ZNF248: variants seen among roughly 807,000 people sequenced by gnomAD.
ZNF248 encodes KRAB protein domain.
ZNF248 carries 20 observed loss-of-function variants against 44.3 expected under a neutral mutation model. That is an observed-to-expected ratio of 0.45 (90% confidence interval 0.32 to 0.66). ZNF248 has a LOEUF of 0.66. Ranked by LOEUF, ZNF248 falls within the 30% of genes least tolerant of loss-of-function variation. The probability of loss-of-function intolerance (pLI) is 0.04; values close to 1 mark genes in which losing one functional copy is unlikely to be tolerated. For synonymous variants in ZNF248, 224 were observed against 229.0 expected, an observed-to-expected ratio of 0.98 and a Z score of 0.20; for missense variants, 654 against 677.0, an observed-to-expected ratio of 0.97 and a Z score of 0.38.
At chr10:37,771,539 C>T (rs2046225099), downstream of ZNF248, among the ~76,000 whole-genome samples, 1 of 150,140 alleles carries the variant, frequency 6.7e-6, no homozygotes, top group Admixed American at 6.7e-5. Context: ...AATCAAAACA[C>T]CGCATGTTCT....
intron 6 of ZNF248, among the ~76,000 whole-genome samples, chr10:37,821,288 CCA>C (rs1430143441): frequency 6.6e-6 from 1 of 150,984 alleles, no homozygotes; most frequent in Non-Finnish European, 1.5e-5. Flanking sequence ...CAGAATAACC[CCA>C]CAAAGTAGGT....
the ZNF248 span, among the ~76,000 whole-genome samples, chr10:37,760,687 A>T: frequency 6.6e-6 from 1 of 152,098 alleles, no homozygotes; most frequent in Non-Finnish European, 1.5e-5. Flanking sequence ...TACAAAAATT[A>T]GCCTGGCATG....
intron 3 of ZNF248, among the ~76,000 whole-genome samples, chr10:37,841,424 T>C (rs1018373629): frequency 6.7e-6 from 1 of 149,600 alleles, no homozygotes; most frequent in African/African-American, 2.5e-5. Context: ...CCTTCTTTCA[T>C]GCATTAAAAA....
At chr10:37,844,285 A>G (rs1425822938) in intron 3 of ZNF248, among the ~76,000 whole-genome samples, 4 of 152,248 alleles carry the variant, frequency 2.6e-5, no homozygotes, top group African/African-American at 9.6e-5. Context: ...CAAAAATGAA[A>G]GAGAAATTAA....
chr10:37,832,604 A>C lies in ZNF248; in HGVS notation c.751T>G (p.Phe251Val). ...ATATTCAGCTTTAAACTTTCAATGA[A>C]GGTTCTTCCACATTCGTTATATTTA... Reference protein sequence around the residue: ...VCKYNECGRTFIESLKLNISQ... With the variant: ...VCKYNECGRTVIESLKLNISQ... The change falls in exon 6 of 6, where the codon TTC (phenylalanine) becomes GTC (valine). Residue 251 changes from phenylalanine to valine, a missense_variant. Coordinates refer to ENST00000395867, the MANE Select transcript of ZNF248 (RefSeq NM_021045.3). The C allele has an allele frequency of 6.2e-7, 1 of 1,613,590 alleles. No homozygotes were observed.
At chr10:37,768,048 A>C in the ZNF248 span, among the ~76,000 whole-genome samples, 9 of 152,228 alleles carry the variant, frequency 5.9e-5, no homozygotes, top group Non-Finnish European at 1.2e-4. Context: ...CGTAATAGTA[A>C]AGGGATCAAT....
intron 6 of ZNF248, among the ~76,000 whole-genome samples, chr10:37,778,068 G>A (rs1164909186): frequency 1.3e-5 from 2 of 152,114 alleles, no homozygotes; most frequent in East Asian, 1.9e-4. Flanking sequence ...GGATGGCTGG[G>A]TCAAATGGTA....
In ZNF248 at chr10:37,852,886, G is replaced by A. The variant is rs1044707761; in HGVS notation, c.15+3410C>T. 1.9e-4 allele frequency among the ~76,000 whole-genome samples: 28 copies of A among 151,318 alleles called. 1 individual carries two copies. Among genetic ancestry groups the A allele is most frequent in the Non-Finnish European group, 1.5e-5 (1 of 67,884 alleles). On this transcript the variant is annotated intron_variant, in intron 3 of 5. Transcript: ENST00000395867. ...AGGCAGATAATTTTTTTTTTTAGAT[G>A]GAGTCTCGCTCTGTTGCCAGGCTGG...
chr10:37,856,782 C>T, intron 1 of ZNF248: 1 of 940,774 alleles, frequency 1.1e-6, no homozygotes. Context: ...GCTAACAATT[C>T]CTCAAAAGGA....
intron 3 of ZNF248, among the ~76,000 whole-genome samples, chr10:37,851,464 T>C (rs1384932161): frequency 1.3e-5 from 2 of 152,150 alleles, no homozygotes; most frequent in African/African-American, 4.8e-5. Context: ...TCTAAAAATT[T>C]CCTGTTCTTT....
downstream of ZNF248, among the ~76,000 whole-genome samples, chr10:37,824,001 T>C (rs919816344): frequency 1.3e-5 from 2 of 152,044 alleles, no homozygotes; most frequent in South Asian, 2.1e-4. Flanking sequence ...TCCAGAAAAA[T>C]TGAACCAATA....
intron 6 of ZNF248, among the ~76,000 whole-genome samples, chr10:37,823,438 C>T (rs935730675): frequency 1.3e-5 from 2 of 148,796 alleles, no homozygotes; most frequent in Admixed American, 1.3e-4. Flanking sequence ...CAAACAAATT[C>T]TCAACGTTCT....
chr10:37,796,884 A>G (rs2049225187), intron 6 of ZNF248, among the ~76,000 whole-genome samples: 1 of 152,158 alleles, frequency 6.6e-6, no homozygotes, highest in Admixed American at 6.5e-5. Context: ...ACAAAAATAG[A>G]GGCAGTTATA....
Position 37,829,659 on chromosome 10 carries a change from C to G in ZNF248, c.*1956G>C. ...TCACCTCTGAGCTGGCTTTTCCCAC[C>G]TTGTGCACTGTTATCTTCAGGCTAC... On this transcript the variant is annotated 3_prime_UTR_variant, in exon 6 of 6. Transcript: ENST00000395867. 3.0e-6 allele frequency: 3 copies of G among 985,344 alleles called. No individual in the cohort carries two copies. The highest frequency in any genetic ancestry group is 4.7e-5 in the South Asian group (1 of 21,276). The allele number at this position is 985,344 out of a possible 1,614,324, so 61.0% of individuals were successfully genotyped here.
chr10:37,779,104 A>G (rs981416533), intron 6 of ZNF248, among the ~76,000 whole-genome samples: 1 of 151,932 alleles, frequency 6.6e-6, no homozygotes, highest in African/African-American at 2.4e-5. Flanking sequence ...AACTGGTACC[A>G]TTCCTTCTGA....
chr10:37,805,894 T>A (rs1377071763), intron 6 of ZNF248, among the ~76,000 whole-genome samples: 1 of 152,180 alleles, frequency 6.6e-6, no homozygotes. Context: ...AGTATTCAGA[T>A]TCTTGCATTT....
At chr10:37,814,788 T>C (rs985623124) in intron 6 of ZNF248, among the ~76,000 whole-genome samples, 1 of 152,358 alleles carries the variant, frequency 6.6e-6, no homozygotes, top group East Asian at 1.9e-4. Context: ...ATGTATGTTA[T>C]GTATAAGCTG....
Position 37,779,010 on chromosome 10 carries a change from T to G in ZNF248, c.331-2435A>C, listed in dbSNP as rs556877594. 2.9e-3 allele frequency among the ~76,000 whole-genome samples: 440 copies of G among 152,250 alleles called. 2 individuals carry two copies. The highest frequency in any genetic ancestry group is 0.01 in the African/African-American group (417 of 41,556). On this transcript the variant is annotated intron_variant, in intron 6 of 6. Transcript: ENST00000615949. ...AGACCAATAACAGGATCTGAAATTG[T>G]GGCAATAATCAATAGCTTACCAAGC...
chr10:37,761,398 G>C, the ZNF248 span, among the ~76,000 whole-genome samples: 1 of 152,334 alleles, frequency 6.6e-6, no homozygotes, highest in East Asian at 1.9e-4. Context: ...GGTGTGAACT[G>C]ATCACATGGT....
Sources: gnomAD v4.1 joint callset for allele counts (sites outside exome capture counted in the v4.1 genomes callset) on GRCh38, gnomAD v4.1.1 for gene constraint, MANE v1.5 for transcripts, NCBI Gene and HGNC (gene_info 2026-07-23, HGNC 2026-07-21) for gene names.